E2F3: variants seen among roughly 807,000 people sequenced by gnomAD.
E2F3 encodes the protein transcription factor E2F3.
E2F3 carries 11 observed loss-of-function variants against 44.4 expected under a neutral mutation model. That is an observed-to-expected ratio of 0.25 (90% CI 0.16 to 0.41). E2F3 has a LOEUF of 0.41. Among genes scored for constraint, E2F3 ranks in the 10% least tolerant of loss-of-function variants. The pLI is 1.00. For missense variants in E2F3, 487 were observed against 583.6 expected, an observed-to-expected ratio of 0.83 and a Z score of 1.70; for synonymous variants, 249 against 253.0, an observed-to-expected ratio of 0.98 and a Z score of 0.15.
intron 1 of E2F3, among the ~76,000 whole-genome samples, chr6:20,420,273 C>T (rs558934410): frequency 4.3e-4 from 65 of 152,284 alleles, no homozygotes; most frequent in African/African-American, 1.4e-3. Flanking sequence ...CCACATTTTA[C>T]AGATGATGAA....
At chr6:20,432,350 CTG>C (rs1029493698) in intron 1 of E2F3, among the ~76,000 whole-genome samples, 2 of 152,212 alleles carry the variant, frequency 1.3e-5, no homozygotes, top group African/African-American at 2.4e-5. Context: ...ACTGCGCAGC[CTG>C]TGTCTTCACT....
At chr6:20,485,769 C>T (rs1472500351) in intron 4 of E2F3, among the ~76,000 whole-genome samples, 3 of 152,150 alleles carry the variant, frequency 2.0e-5, no homozygotes, top group African/African-American at 7.2e-5. Flanking sequence ...GAAATAATGA[C>T]ACTCTTTTCT....
chr6:20,457,184 T>C (rs1327323505), intron 1 of E2F3, among the ~76,000 whole-genome samples: 1 of 151,910 alleles, frequency 6.6e-6, no homozygotes, highest in Non-Finnish European at 1.5e-5. Flanking sequence ...ATTCTCTCTT[T>C]TTCTTTTTGA....
At chr6:20,462,881 TTTTTTTTTTTTTTTTG>T (rs1761569225) in intron 1 of E2F3, among the ~76,000 whole-genome samples, 1 of 111,946 alleles carries the variant, frequency 8.9e-6, no homozygotes, top group African/African-American at 3.7e-5. Flanking sequence ...TTTTTTTTTT[TTTTTTTTTTTTTTTTG>T]AGACAGGGTC....
chr6:20,409,826 C>T (rs904787715), intron 1 of E2F3, among the ~76,000 whole-genome samples: 2 of 152,192 alleles, frequency 1.3e-5, no homozygotes, highest in Admixed American at 6.5e-5. Context: ...TGCACTGACT[C>T]GTTAGGGGCA....
At chr6:20,419,654 C>T (rs1463099093) in intron 1 of E2F3, among the ~76,000 whole-genome samples, 1 of 151,640 alleles carries the variant, frequency 6.6e-6, no homozygotes, top group Non-Finnish European at 1.5e-5. Flanking sequence ...ACCTCCATTT[C>T]CCAGGTGTTC....
At position 20,466,780 on chromosome 6, in the gene E2F3, T is replaced by C. The variant is rs192856686; in HGVS notation, c.394-13066T>C. ...TCACTGCAATCTCCGCCTGCCGGGT[T>C]CAAGCAGTTCTCTGCCTCAGCCTCC... On this transcript the variant is annotated intron_variant, in intron 1 of 6. Transcript: ENST00000346618. 3.4e-4 allele frequency among the ~76,000 whole-genome samples: 51 copies of C among 151,472 alleles called. 1 individual carries two copies. The East Asian group carries it at 0.01, about 30-fold the overall frequency.
At chr6:20,464,335 TCA>T (rs1342341281) in intron 1 of E2F3, among the ~76,000 whole-genome samples, 2 of 152,204 alleles carry the variant, frequency 1.3e-5, no homozygotes, top group African/African-American at 4.8e-5. Context: ...CAGCAGCTCC[TCA>T]CACAGTTCCA....
chr6:20,458,947 A>G (rs796111078), intron 1 of E2F3, among the ~76,000 whole-genome samples: 3 of 36,340 alleles, frequency 8.3e-5, no homozygotes, highest in Admixed American at 3.8e-4. Flanking sequence ...GATTTTCCAC[A>G]GTTGTTTTTT....
chr6:20,451,717 ATTTTG>A (rs1561867175), intron 1 of E2F3, among the ~76,000 whole-genome samples: 2 of 152,130 alleles, frequency 1.3e-5, no homozygotes, highest in Non-Finnish European at 2.9e-5. Flanking sequence ...GGCTCTTAAT[ATTTTG>A]AGGTATGTTC....
chr6:20,426,243 C>A (rs561259701), intron 1 of E2F3, among the ~76,000 whole-genome samples: 10 of 152,130 alleles, frequency 6.6e-5, no homozygotes, highest in African/African-American at 2.4e-4. Context: ...TTTAATTTAC[C>A]TTTTCTTCAA....
chr6:20,470,776 G>C (rs1761865352), intron 1 of E2F3, among the ~76,000 whole-genome samples: 1 of 152,164 alleles, frequency 6.6e-6, no homozygotes, highest in Admixed American at 6.5e-5. Context: ...CCTTGTGCTT[G>C]ATTTAATTTT....
At chr6:20,447,699 T>G (rs920579989) in intron 1 of E2F3, among the ~76,000 whole-genome samples, 1 of 152,228 alleles carries the variant, frequency 6.6e-6, no homozygotes, top group Non-Finnish European at 1.5e-5. Context: ...GAAGTCATTT[T>G]GTCCATGAGT....
intron 1 of E2F3, among the ~76,000 whole-genome samples, chr6:20,414,939 A>T (rs541655615): frequency 6.6e-6 from 1 of 152,160 alleles, no homozygotes; most frequent in African/African-American, 2.4e-5. Context: ...TAAAATAGTG[A>T]TCCTCTCTCC....
chr6:20,425,699 C>CT (rs1760194493), intron 1 of E2F3, among the ~76,000 whole-genome samples: 1 of 152,166 alleles, frequency 6.6e-6, no homozygotes, highest in Non-Finnish European at 1.5e-5. Flanking sequence ...CGCCCGGCCC[C>CT]TTCTACCTTT....
intron 1 of E2F3, among the ~76,000 whole-genome samples, chr6:20,419,163 C>A (rs1053877114): frequency 6.6e-6 from 1 of 152,116 alleles, no homozygotes. Flanking sequence ...GTAATAGCTG[C>A]GCTGCCACTC....
At chr6:20,412,743 GC>G (rs1759717052) in intron 1 of E2F3, among the ~76,000 whole-genome samples, 1 of 152,114 alleles carries the variant, frequency 6.6e-6, no homozygotes, top group South Asian at 2.1e-4. Context: ...CTTGTGTTTT[GC>G]CAGGTCTTCA....
intron 1 of E2F3, among the ~76,000 whole-genome samples, chr6:20,459,141 C>T (rs139126091): frequency 2.0e-4 from 30 of 152,204 alleles, no homozygotes; most frequent in East Asian, 3.9e-4. Context: ...GCGTGGTGGC[C>T]GACACCTGTA....
intron 1 of E2F3, among the ~76,000 whole-genome samples, chr6:20,417,499 G>A (rs1759886223): frequency 6.6e-6 from 1 of 150,542 alleles, no homozygotes; most frequent in Non-Finnish European, 1.5e-5. Context: ...TGTTTTAAAA[G>A]TTAGTAACTT....
Sources: allele counts gnomAD v4.1 joint callset (sites outside exome capture counted in the v4.1 genomes callset), GRCh38; gene constraint gnomAD v4.1.1; transcripts MANE v1.5; gene names NCBI Gene and HGNC (gene_info 2026-07-23, HGNC 2026-07-21).